The following NEDD4 variants were observed in gnomAD, a reference collection of about 807,000 sequenced individuals.
The protein encoded by NEDD4 is NEDD4 E3 ubiquitin protein ligase.
In NEDD4, 99 loss-of-function variants were observed where a neutral mutation model predicts 144.9. The observed-to-expected ratio is 0.68, with a 90% CI of 0.58 to 0.81. The LOEUF is 0.81. NEDD4 is among the 30% of genes least tolerant of loss of function. The probability of loss-of-function intolerance (pLI) is 0.00; values close to 1 mark genes in which losing one functional copy is unlikely to be tolerated. For synonymous variants in NEDD4, 318 were observed against 350.6 expected (o/e 0.91, Z 1.04); for missense variants, 985 against 1,065.9 (o/e 0.92, Z 1.06).
intron 5 of NEDD4, chr15:55,915,682 T>C: frequency 6.2e-7 from 1 of 1,613,978 alleles, no homozygotes; most frequent in Non-Finnish European, 8.5e-7. Context: ...GTAGCTGCTT[T>C]TCGTTGGGTG....
chr15:55,911,269 T>C (rs1223983634), intron 5 of NEDD4, among the ~76,000 whole-genome samples: 1 of 152,048 alleles, frequency 6.6e-6, no homozygotes, highest in Non-Finnish European at 1.5e-5. Context: ...CTGTTAAATA[T>C]CCTACAGTGC....
intron 23 of NEDD4, 125 bp from the exon 24 acceptor site, chr15:55,837,974 G>C (rs1405945873): frequency 1.1e-6 from 1 of 885,416 alleles, no homozygotes; most frequent in Non-Finnish European, 1.8e-6. Context: ...ATGAGTGCTT[G>C]CTACTGCATT....
At chr15:55,954,804 G>A (rs539939073) in intron 2 of NEDD4, among the ~76,000 whole-genome samples, 16 of 151,874 alleles carry the variant, frequency 1.1e-4, no homozygotes, top group African/African-American at 3.6e-4. Flanking sequence ...GAATACAGGC[G>A]TGAGCCACCG....
intron 9 of NEDD4, among the ~76,000 whole-genome samples, 154 bp from the exon 10 acceptor site, chr15:55,860,932 T>A (rs1197744358): frequency 1.3e-5 from 2 of 152,222 alleles, no homozygotes; most frequent in African/African-American, 4.8e-5. Context: ...AAAGATTCAA[T>A]CATGGGTAGG....
intron 5 of NEDD4, among the ~76,000 whole-genome samples, chr15:55,911,376 G>T (rs2036267337): frequency 6.6e-6 from 1 of 152,048 alleles, no homozygotes; most frequent in Admixed American, 6.6e-5. Flanking sequence ...TCTGCCTGAT[G>T]AACTCCAGTT....
At chr15:55,898,870 G>A (rs375696290) in intron 5 of NEDD4, among the ~76,000 whole-genome samples, 261 of 152,158 alleles carry the variant, frequency 1.7e-3, no homozygotes, top group Non-Finnish European at 2.9e-3. Context: ...TTGAACTCCT[G>A]GGCTAAAGTG....
At chr15:55,988,689 T>C (rs58530572) in intron 1 of NEDD4, among the ~76,000 whole-genome samples, 226 of 152,290 alleles carry the variant, frequency 1.5e-3, no homozygotes, top group African/African-American at 5.1e-3. Context: ...GTCCATTTCC[T>C]AGCTTGGAAG....
In NEDD4 at chr15:55,850,558, G is replaced by C; in HGVS notation, c.1331C>G (p.Thr444Ser). Residue 444 changes from threonine to serine, a missense_variant, in exon 14 of 29, where the codon ACT becomes AGT. By Grantham distance (58) the Thr-to-Ser change is moderately conservative. Coordinates refer to ENST00000435532, the MANE Select transcript of NEDD4 (RefSeq NM_006154.4). The stretch of plus-strand genomic sequence containing the variant: ...CAAAGTTACCCAGGTGGTGGTTTTA[G>C]TGTTGTGGTCAATAAAGAAAGGCCT... ...NGRPFFIDHNTKTTTWEDPRL... is the reference protein window; with the variant it reads ...NGRPFFIDHNSKTTTWEDPRL... 6.2e-7 allele frequency: 1 copy of C among 1,614,162 alleles called. No individual in the cohort carries two copies. Among genetic ancestry groups the C allele is most frequent in the Non-Finnish European group, 8.5e-7 (1 of 1,180,004 alleles).
At position 55,860,623 on chromosome 15, in the gene NEDD4, C is replaced by A. The variant is rs377235963; in HGVS notation, c.792+38G>T. On this transcript the variant is annotated intron_variant, in intron 10 of 28. Transcript: ENST00000435532. ...AGCCACACATACTTTATTGCTATAG[C>A]ATGTGTCTTTCAAGGAGAACTAGGA... is the stretch of plus-strand genomic sequence containing the variant. 1.7e-4 allele frequency: 269 copies of A among 1,612,450 alleles called. 2 individuals are homozygous for A. In the African/African-American group the frequency reaches 3.4e-3, roughly 21 times the overall value.
intron 5 of NEDD4, among the ~76,000 whole-genome samples, chr15:55,890,859 T>C (rs1284273386): frequency 1.3e-5 from 2 of 152,184 alleles, no homozygotes; most frequent in Non-Finnish European, 2.9e-5. Context: ...TAGTATACCA[T>C]CGTGGCTTTT....
chr15:55,880,105 T>G (rs1595788580), intron 5 of NEDD4, among the ~76,000 whole-genome samples: 1 of 151,982 alleles, frequency 6.6e-6, no homozygotes, highest in Non-Finnish European at 1.5e-5. Context: ...CAGCCTGACC[T>G]ACATGGTGAA....
intron 1 of NEDD4, among the ~76,000 whole-genome samples, chr15:55,967,036 G>C (rs535776997): frequency 1.3e-5 from 2 of 151,946 alleles, no homozygotes; most frequent in Non-Finnish European, 2.9e-5. Context: ...ACAGGCATGC[G>C]CCACCATGCC....
intron 1 of NEDD4, among the ~76,000 whole-genome samples, chr15:55,980,489 G>C (rs1595887694): frequency 6.6e-6 from 1 of 152,154 alleles, no homozygotes; most frequent in Non-Finnish European, 1.5e-5. Flanking sequence ...GGTAGGTTCA[G>C]ATCATTCTAC....
intron 1 of NEDD4, among the ~76,000 whole-genome samples, 185 bp downstream of exon 1, chr15:55,993,326 C>G (rs1230461414): frequency 6.6e-6 from 1 of 152,134 alleles, no homozygotes; most frequent in Non-Finnish European, 1.5e-5. Context: ...CAGCGAGCCC[C>G]CAGCGCCCGC....
intron 4 of NEDD4, among the ~76,000 whole-genome samples, chr15:55,948,658 C>T (rs570840910): frequency 6.6e-6 from 1 of 152,154 alleles, no homozygotes; most frequent in African/African-American, 2.4e-5. Flanking sequence ...CACACATCTA[C>T]AACCATCTGA....
chr15:55,903,347 G>A (rs1016753412), intron 5 of NEDD4, among the ~76,000 whole-genome samples: 4 of 152,106 alleles, frequency 2.6e-5, no homozygotes, highest in African/African-American at 7.2e-5. Flanking sequence ...ATGGAGTTGC[G>A]TTTTGGTTGA....
At chr15:55,992,768 G>A (rs7182037) in intron 1 of NEDD4, among the ~76,000 whole-genome samples, 1 of 152,198 alleles carries the variant, frequency 6.6e-6, no homozygotes, top group Admixed American at 6.5e-5. Context: ...TAGCTGAAAA[G>A]AAACAGCTTT....
In NEDD4 at chr15:55,881,627, A is replaced by G. The variant is rs563118966; in HGVS notation, c.292-7619T>C. Among the ~76,000 whole-genome samples the G allele has an allele frequency of 7.2e-5, 11 of 152,320 alleles. No homozygotes were observed. The South Asian group carries it at 2.3e-3, about 32-fold the overall frequency. On this transcript the variant is annotated intron_variant, in intron 5 of 28. Transcript: ENST00000435532. The stretch of plus-strand genomic sequence containing the variant: ...AGTTAACTTAGGTTTAGGCTTAATC[A>G]GATTAAAAAAAACAAAAACAAAAAC...
chr15:55,834,504 T>C (rs1351676922), intron 24 of NEDD4, among the ~76,000 whole-genome samples: 2 of 148,636 alleles, frequency 1.3e-5, no homozygotes, highest in African/African-American at 5.0e-5. Context: ...TTTTTAAAAC[T>C]TCCTGTGGCC....
Sources: allele counts gnomAD v4.1 joint callset (sites outside exome capture counted in the v4.1 genomes callset), GRCh38; gene constraint gnomAD v4.1.1; transcripts MANE v1.5; gene names NCBI Gene and HGNC (gene_info 2026-07-23, HGNC 2026-07-21).